The following RAD21 variants were observed in gnomAD, a reference collection of about 807,000 sequenced individuals.
RAD21 encodes RAD21 cohesin complex component.
In RAD21, 18 loss-of-function variants were observed where a neutral mutation model predicts 71.5. That is an observed-to-expected ratio of 0.25 (90% CI 0.17 to 0.37). RAD21 has a LOEUF of 0.37. Ranked by LOEUF, RAD21 falls within the 10% of genes least tolerant of loss-of-function variation. The probability of loss-of-function intolerance (pLI) is 1.00; values close to 1 mark genes in which losing one functional copy is unlikely to be tolerated. For synonymous variants in RAD21, 248 were observed against 254.0 expected (o/e 0.98, Z 0.22); for missense variants, 493 against 769.1 (o/e 0.64, Z 4.25).
chr8:116,857,576 C>T (rs1428923123), intron 5 of RAD21, 103 bp from the exon 6 acceptor site: 14 of 980,456 alleles, frequency 1.4e-5, no homozygotes, highest in African/African-American at 1.3e-4. Flanking sequence ...CATTTGCTTA[C>T]TGAAGTCTTA....
chr8:116,871,903 G>A (rs937949155), intron 1 of RAD21, among the ~76,000 whole-genome samples: 2 of 152,218 alleles, frequency 1.3e-5, no homozygotes, highest in Non-Finnish European at 2.9e-5. Flanking sequence ...ACAACACTAT[G>A]CTGCCTTGCC....
Position 116,861,824 on chromosome 8 carries a change from T to C in RAD21, c.374+17A>G, listed in dbSNP as rs745972772. On this transcript the variant is annotated intron_variant, in intron 4 of 13. Transcript: ENST00000297338. ...TGCAGACCAAGTCAACAATTTTTTT[T>C]AAAAGAAGACACATACTCTAAGTCA... The C allele has an allele frequency of 6.3e-7, 1 of 1,582,272 alleles. No homozygotes were observed. Among genetic ancestry groups the C allele is most frequent in the South Asian group, 1.1e-5 (1 of 90,252 alleles).
At chr8:116,867,833 T>A (rs1812728058) in intron 1 of RAD21, among the ~76,000 whole-genome samples, 1 of 152,202 alleles carries the variant, frequency 6.6e-6, no homozygotes, top group African/African-American at 2.4e-5. Flanking sequence ...CTTAAATAAC[T>A]ACAATATAGT....
intron 8 of RAD21, among the ~76,000 whole-genome samples, chr8:116,854,751 T>C (rs1812427164): frequency 6.6e-6 from 1 of 152,230 alleles, no homozygotes; most frequent in Non-Finnish European, 1.5e-5. Context: ...CATTTTTGCC[T>C]ATGTAGTTTT....
chr8:116,853,766 C>T (rs989217843), intron 9 of RAD21, among the ~76,000 whole-genome samples: 3 of 152,206 alleles, frequency 2.0e-5, no homozygotes, highest in Middle Eastern at 3.4e-3. Flanking sequence ...ATTCACCAGA[C>T]ACCTGTGAGT....
chr8:116,863,343 G>A, intron 2 of RAD21, 84 bp from the exon 3 acceptor site: 2 of 1,445,096 alleles, frequency 1.4e-6, no homozygotes, highest in Non-Finnish European at 1.9e-6. Flanking sequence ...CTTTAAAGTT[G>A]CCTTATAATC....
At chr8:116,863,591 C>G (rs1812632655) in intron 2 of RAD21, among the ~76,000 whole-genome samples, 1 of 152,024 alleles carries the variant, frequency 6.6e-6, no homozygotes, top group Non-Finnish European at 1.5e-5. Flanking sequence ...AGCAAATGTC[C>G]CCCACATTGA....
chr8:116,846,992 ATTG>A lies in RAD21; in HGVS notation c.*505_*507del, dbSNP rs1379961869. The A allele has an allele frequency of 9.2e-6, 2 of 218,312 alleles. No homozygotes were observed. Among genetic ancestry groups the A allele is most frequent in the Admixed American group, 5.8e-5 (1 of 17,264 alleles). 13.5% of individuals were successfully genotyped at this position (218,312 alleles called of 1,614,324 possible). ...TAAAACGAATCTCAAGAGGGTGACCATTGTTGTTTCAGATACCATCCCTAAGGA... is the reference window on the plus strand; with the variant it reads ...TAAAACGAATCTCAAGAGGGTGACCATTGTTTCAGATACCATCCCTAAGGA... On this transcript the variant is annotated 3_prime_UTR_variant, in exon 14 of 14. Transcript: ENST00000297338.
chr8:116,855,242 A>C (rs1218783221), intron 8 of RAD21, among the ~76,000 whole-genome samples: 1 of 152,210 alleles, frequency 6.6e-6, no homozygotes, highest in Non-Finnish European at 1.5e-5. Context: ...ATCAATGGGA[A>C]ACCCAAAAGG....
chr8:116,862,316 C>G (rs1812607298), intron 3 of RAD21, among the ~76,000 whole-genome samples: 1 of 151,890 alleles, frequency 6.6e-6, no homozygotes, highest in Non-Finnish European at 1.5e-5. Flanking sequence ...TTTTAATTTT[C>G]TTTATCTTTT....
At chr8:116,860,235 T>G (rs1812561544) in intron 4 of RAD21, among the ~76,000 whole-genome samples, 1 of 152,210 alleles carries the variant, frequency 6.6e-6, no homozygotes, top group African/African-American at 2.4e-5. Flanking sequence ...TGGAATCTAC[T>G]CCTAGTGAAG....
At chr8:116,866,868 A>T in intron 1 of RAD21, 107 bp from the exon 2 acceptor site, 1 of 643,574 alleles carries the variant, frequency 1.6e-6, no homozygotes, top group Non-Finnish European at 2.3e-6. Context: ...TGAAAACTAT[A>T]AAATGCTTGA....
chr8:116,873,588 G>T (rs200242112), intron 1 of RAD21, among the ~76,000 whole-genome samples: 1 of 151,134 alleles, frequency 6.6e-6, no homozygotes, highest in Non-Finnish European at 1.5e-5. Context: ...CTTGCAAAAA[G>T]AAGCCGATAA....
chr8:116,856,035 A>C, intron 8 of RAD21, 131 bp downstream of exon 8: 14 of 1,018,200 alleles, frequency 1.4e-5, no homozygotes, highest in South Asian at 3.6e-5. Context: ...ATCAGTAGAC[A>C]GGCCAAAAAA....
chr8:116,848,266 G>A (rs1008490818), intron 13 of RAD21, among the ~76,000 whole-genome samples: 1 of 152,124 alleles, frequency 6.6e-6, no homozygotes, highest in Admixed American at 6.5e-5. Flanking sequence ...TTAATCAAGA[G>A]GGTAAAAGGC....
intron 2 of RAD21, 53 bp from the exon 3 acceptor site, chr8:116,863,312 A>G (rs961461049): frequency 7.1e-5 from 110 of 1,552,152 alleles, no homozygotes; most frequent in Non-Finnish European, 9.2e-5. Flanking sequence ...TGCCATTCAT[A>G]GTCTTCTTTT....
In RAD21 at chr8:116,863,262, A is replaced by T. The variant is rs1167311245; in HGVS notation, c.145-3T>A. ...GATGTCCGTAATGCCATTTTCACCT[A>T]TGAATAAAACATTAATCATATTCCA... On this transcript the variant is annotated splice_polypyrimidine_tract_variant and splice_region_variant and intron_variant, in intron 2 of 13. Coordinates refer to ENST00000297338, the MANE Select transcript of RAD21 (RefSeq NM_006265.3). 3 of 1,608,208 alleles carry T rather than the reference A, an allele frequency of 1.9e-6. No individual in the cohort carries two copies. In the African/African-American group the frequency reaches 4.0e-5, roughly 22 times the overall value.
chr8:116,858,056 A>G (rs1328172420), intron 5 of RAD21, among the ~76,000 whole-genome samples: 1 of 152,218 alleles, frequency 6.6e-6, no homozygotes, highest in African/African-American at 2.4e-5. Context: ...CAGGGAAACT[A>G]ACTGTTCCAA....
At chr8:116,861,391 T>C (rs1812590098) in intron 4 of RAD21, among the ~76,000 whole-genome samples, 1 of 150,912 alleles carries the variant, frequency 6.6e-6, no homozygotes, top group Admixed American at 6.7e-5. Flanking sequence ...ACAATGACCC[T>C]TTGTTGCTCT....
Sources: gnomAD v4.1 joint callset for allele counts (sites outside exome capture counted in the v4.1 genomes callset) on GRCh38, gnomAD v4.1.1 for gene constraint, MANE v1.5 for transcripts, NCBI Gene and HGNC (gene_info 2026-07-23, HGNC 2026-07-21) for gene names.